Variants in TECTA observed in about 807,000 individuals in gnomAD.
TECTA encodes the protein alpha-tectorin.
TECTA carries 128 observed loss-of-function variants against 216.8 expected under a neutral mutation model. The observed-to-expected ratio is 0.59, with a 90% CI of 0.51 to 0.68. The LOEUF (loss-of-function observed/expected upper bound fraction) is 0.68, where lower values mean the gene tolerates loss of function less well. Ranked by LOEUF, TECTA falls within the 30% of genes least tolerant of loss-of-function variation. The pLI is 0.00. For synonymous variants in TECTA, 1,089 were observed against 1,117.1 expected (o/e 0.97, Z 0.50); for missense variants, 2,551 against 2,786.2 (o/e 0.92, Z 1.90).
intron 7 of TECTA, 44 bp downstream of exon 7, chr11:121,118,762 G>A: frequency 6.2e-7 from 1 of 1,609,696 alleles, no homozygotes; most frequent in South Asian, 1.1e-5. Flanking sequence ...AGAAGCTGGA[G>A]ATTCTTCAGC....
intron 13 of TECTA, among the ~76,000 whole-genome samples, chr11:121,156,281 C>T (rs626082): frequency 0.037 from 5,575 of 152,162 alleles, 343 homozygotes; most frequent in African/African-American, 0.13. Flanking sequence ...CTTAAGCGGT[C>T]CTCCCACCTC....
intron 7 of TECTA, among the ~76,000 whole-genome samples, chr11:121,124,071 T>C (rs1946584074): frequency 6.6e-6 from 1 of 152,250 alleles, no homozygotes; most frequent in Non-Finnish European, 1.5e-5. Context: ...CACTTTTCCT[T>C]AGCACTTTTT....
At chr11:121,166,887 A>G in intron 18 of TECTA, 107 bp downstream of exon 18, 1 of 1,329,604 alleles carries the variant, frequency 7.5e-7, no homozygotes, top group South Asian at 1.2e-5. Context: ...GCTTAGAAAT[A>G]TGCTCCTTAG....
At position 121,166,795 on chromosome 11, in the gene TECTA, AG is replaced by A; in HGVS notation, c.5586+17del. The A allele has an allele frequency of 6.2e-7, 1 of 1,613,056 alleles. No homozygotes were observed. The highest frequency in any genetic ancestry group is 8.5e-7 in the Non-Finnish European group (1 of 1,179,962). On this transcript the variant is annotated intron_variant, in intron 18 of 23. Transcript: ENST00000392793. The stretch of plus-strand genomic sequence containing the variant: ...ACATTGTGCAGGTGAGAAAAGCAGC[AG>A]GAAAGAGCACCTGGCAGAGGCAGCG...
rs556721654 is a variant in TECTA at position 121,150,341 on chromosome 11, C to T, written c.4106-2540C>T. 4.6e-5 allele frequency among the ~76,000 whole-genome samples: 7 copies of T among 152,130 alleles called. No homozygotes were observed. The South Asian group carries it at 6.2e-4, about 14-fold the overall frequency. The stretch of plus-strand genomic sequence containing the variant: ...TAAATCCTTCCTTCATTTCTTACTC[C>T]GAAATAAAATCCGGGCAGAACAAAG... On this transcript the variant is annotated intron_variant, in intron 12 of 23. Coordinates refer to ENST00000392793, the MANE Select transcript of TECTA (RefSeq NM_005422.4).
chr11:121,113,871 T>A lies in TECTA; in HGVS notation c.790+153T>A, dbSNP rs1467213883. Among the ~76,000 whole-genome samples the A allele has an allele frequency of 6.6e-6, 1 of 152,198 alleles. No individual in the cohort carries two copies. The highest frequency in any genetic ancestry group is 1.5e-5 in the Non-Finnish European group (1 of 68,032). On this transcript the variant is annotated intron_variant, in intron 6 of 23. Transcript: ENST00000392793. The surrounding 1 kb of genome is among the most constrained non-coding windows in gnomAD (Gnocchi z 4.2). ...TGGAGATCAAGGTAATTTTAGCATG[T>A]GCATTCATCACATCAGAAGCTAAAA...
At position 121,125,399 on chromosome 11, in the gene TECTA, G is replaced by A; in HGVS notation, c.1301G>A (p.Gly434Glu). 2 of 1,614,182 alleles carry A rather than the reference G, an allele frequency of 1.2e-6. No homozygotes were observed. The highest frequency in any genetic ancestry group is 1.7e-6 in the Non-Finnish European group (2 of 1,180,038). ...GISTAVETDF[G>E]LLVTFDGQHY... ...TCTACTGCCGTGGAAACAGATTTTG[G>A]GCTCTTAGTGACTTTTGATGGCCAG... is the stretch of plus-strand genomic sequence containing the variant. The change falls in exon 8 of 24, where the codon GGG (glycine) becomes GAG (glutamate). Residue 434 changes from glycine to glutamate, a missense_variant. Gly to Glu is a moderately conservative substitution (Grantham distance 98). Around this residue, in one of 3 missense-constraint regions of TECTA, gnomAD observed 2,375 missense variants for 2,563.9 expected, o/e 0.93. Transcript: ENST00000392793.
intron 20 of TECTA, among the ~76,000 whole-genome samples, chr11:121,171,383 A>C (rs1369788600): frequency 6.6e-6 from 1 of 151,982 alleles, no homozygotes; most frequent in Non-Finnish European, 1.5e-5. Context: ...TGTTCTTTTT[A>C]GTGAGTATTG....
At chr11:121,154,012 G>A (rs1269339369) in intron 13 of TECTA, among the ~76,000 whole-genome samples, 1 of 152,136 alleles carries the variant, frequency 6.6e-6, no homozygotes, top group Non-Finnish European at 1.5e-5. Flanking sequence ...CCTCTGCCTT[G>A]AGGATCTTAA....
Position 121,102,651 on chromosome 11 carries a change from T to G in TECTA, c.-1-14T>G. The G allele has an allele frequency of 6.2e-7, 1 of 1,610,734 alleles. No individual in the cohort carries two copies. Among genetic ancestry groups the G allele is most frequent in the Non-Finnish European group, 8.5e-7 (1 of 1,177,150 alleles). ...GCTGGGGATTTTTTTTTCATTTTCT[T>G]TTTAAAATTCCAGGATGAATTATTC... On this transcript the variant is annotated splice_polypyrimidine_tract_variant and intron_variant, in intron 1 of 23. Coordinates refer to ENST00000392793, the MANE Select transcript of TECTA (RefSeq NM_005422.4).
At chr11:121,181,312 A>G (rs1269792579) in intron 20 of TECTA, among the ~76,000 whole-genome samples, 4 of 152,074 alleles carry the variant, frequency 2.6e-5, no homozygotes, top group Admixed American at 1.3e-4. Context: ...CACTCAGATC[A>G]TGAATTATTT....
rs1476119050 is a variant in TECTA, at chr11:121,125,881, G to T, written c.1774+9G>T. The T allele has an allele frequency of 6.2e-7, 1 of 1,604,448 alleles. No individual in the cohort carries two copies. Among genetic ancestry groups the T allele is most frequent in the Admixed American group, 1.7e-5 (1 of 59,998 alleles). ...AACCCAGACTGGGTGTGGTAAGCTGGCATCCCATCCCCATGACAGGTCTCT... is the reference window on the plus strand; with the variant it reads ...AACCCAGACTGGGTGTGGTAAGCTGTCATCCCATCCCCATGACAGGTCTCT... On this transcript the variant is annotated intron_variant, in intron 8 of 23. Coordinates refer to ENST00000392793, the MANE Select transcript of TECTA (RefSeq NM_005422.4).
Position 121,131,384 on chromosome 11 carries a change from C to T in TECTA, c.2941+1173C>T, listed in dbSNP as rs1356025438. On this transcript the variant is annotated intron_variant, in intron 10 of 23. Coordinates refer to ENST00000392793, the MANE Select transcript of TECTA (RefSeq NM_005422.4). ...GATTCCCGAATCGTTAACATTGTAACACATTTTCTTTCTAATTTTGTCTCT... is the reference window on the plus strand; with the variant it reads ...GATTCCCGAATCGTTAACATTGTAATACATTTTCTTTCTAATTTTGTCTCT... Among the ~76,000 whole-genome samples, 3 of 152,176 alleles carry T rather than the reference C, an allele frequency of 2.0e-5. No individual in the cohort carries two copies. In the East Asian group the frequency reaches 5.8e-4, roughly 29 times the overall value.
chr11:121,168,458 CAG>C, intron 19 of TECTA: 2 of 846,054 alleles, frequency 2.4e-6, no homozygotes, highest in Non-Finnish European at 3.7e-6. Flanking sequence ...AAATGTGGCT[CAG>C]GGGGCTGCGG....
At chr11:121,136,199 G>A (rs1946725131) in intron 10 of TECTA, among the ~76,000 whole-genome samples, 2 of 152,156 alleles carry the variant, frequency 1.3e-5, no homozygotes, top group Non-Finnish European at 2.9e-5. Flanking sequence ...GACCTCAGGT[G>A]ATCCACCCGC....
intron 6 of TECTA, among the ~76,000 whole-genome samples, chr11:121,114,195 A>C (rs1472914963): frequency 6.6e-6 from 1 of 152,172 alleles, no homozygotes; most frequent in African/African-American, 2.4e-5. Context: ...AGTACTTCCT[A>C]GTATGATTAG....
chr11:121,111,424 A>C (rs1946440688), intron 4 of TECTA, among the ~76,000 whole-genome samples: 2 of 152,238 alleles, frequency 1.3e-5, no homozygotes, highest in South Asian at 4.1e-4. Context: ...CTCAGAAGCA[A>C]AAAAGATTTT....
At chr11:121,123,514 T>G (rs1313428096) in intron 7 of TECTA, among the ~76,000 whole-genome samples, 3 of 152,178 alleles carry the variant, frequency 2.0e-5, no homozygotes, top group Non-Finnish European at 2.9e-5. Flanking sequence ...GTTTCTAATC[T>G]CAACTTCCTT....
rs1203672563 is a variant in TECTA at position 121,145,814 on chromosome 11, A to G, written c.3803A>G (p.Gln1268Arg). ...GCATCGAGTGTCAATGAGTTTGGGC[A>G]GAGCTGGGTGAAGAGGGACACCTTC... ...LLASSVNEFGQSWVKRDTFCQ... is the reference protein window; with the variant it reads ...LLASSVNEFGRSWVKRDTFCQ... The change falls in exon 12 of 24, where the codon CAG (glutamine) becomes CGG (arginine). Residue 1268 changes from glutamine (Q) to arginine (R), a missense_variant. Gln to Arg is a conservative substitution (Grantham distance 43). This residue lies in a region of TECTA where 2,375 missense variants were observed against 2,563.9 expected (regional missense o/e 0.93). Transcript: ENST00000392793. 6.2e-7 allele frequency: 1 copy of G among 1,614,078 alleles called. No homozygotes were observed. The highest frequency in any genetic ancestry group is 8.5e-7 in the Non-Finnish European group (1 of 1,180,040).
Sources: gnomAD v4.1 joint callset for allele counts (sites outside exome capture counted in the v4.1 genomes callset) on GRCh38, gnomAD v4.1.1 for gene constraint, gnomAD v4.1.1 regional missense constraint, Gnocchi (gnomAD v3.1) non-coding constraint, MANE v1.5 for transcripts, NCBI Gene and HGNC (gene_info 2026-07-23, HGNC 2026-07-21) for gene names.